Variants in CXCL17 observed in about 807,000 individuals in gnomAD.
CXCL17 encodes the protein C-X-C motif chemokine 17.
CXCL17 carries 9 observed loss-of-function variants against 15.5 expected under a neutral mutation model. The observed-to-expected ratio is 0.58, with a 90% CI of 0.35 to 1.01. CXCL17 has a LOEUF of 1.01. Ranked by LOEUF, CXCL17 falls within the 50% of genes least tolerant of loss-of-function variation. The pLI is 0.02. For missense variants in CXCL17, 133 were observed against 138.2 expected (o/e 0.96, Z 0.19); for synonymous variants, 52 against 52.3 (o/e 0.99, Z 0.02).
chr19:42,442,720 C>T (rs920087534), intron 1 of CXCL17, 34 bp downstream of exon 1: 8 of 1,522,860 alleles, frequency 5.3e-6, no homozygotes, highest in Non-Finnish European at 7.3e-6. Context: ...ACATTTCTCC[C>T]CCCGTTTTCC....
At chr19:42,437,279 C>G (rs537507516) in intron 1 of CXCL17, among the ~76,000 whole-genome samples, 6 of 152,260 alleles carry the variant, frequency 3.9e-5, no homozygotes, top group East Asian at 1.9e-4. Flanking sequence ...TGCAAAACAT[C>G]CTCATCCTAT....
At chr19:42,435,574 T>G (rs1288646767) in intron 1 of CXCL17, among the ~76,000 whole-genome samples, 1 of 152,136 alleles carries the variant, frequency 6.6e-6, no homozygotes, top group Non-Finnish European at 1.5e-5. Flanking sequence ...GGCTCATGCC[T>G]ATAATCTCAG....
chr19:42,438,405 T>TATATATATATATATAA (rs1434854356), intron 1 of CXCL17, among the ~76,000 whole-genome samples: 1 of 66,880 alleles, frequency 1.5e-5, no homozygotes, highest in African/African-American at 6.3e-5. Flanking sequence ...TATATATATA[T>TATATATATATATATAA]AAAATACACA....
At chr19:42,430,530 GT>G (rs1402237923) in intron 3 of CXCL17, among the ~76,000 whole-genome samples, 5 of 150,360 alleles carry the variant, frequency 3.3e-5, no homozygotes, top group African/African-American at 1.2e-4. Context: ...GGAGGCGGAG[GT>G]TGCAGTGAGC....
chr19:42,435,305 A>G (rs879921412), intron 1 of CXCL17, among the ~76,000 whole-genome samples: 6 of 152,174 alleles, frequency 3.9e-5, no homozygotes, highest in African/African-American at 7.2e-5. Flanking sequence ...GTCAACATGA[A>G]TTATACCTTC....
intron 1 of CXCL17, among the ~76,000 whole-genome samples, chr19:42,436,771 A>T (rs2040838410): frequency 6.6e-6 from 1 of 152,140 alleles, no homozygotes; most frequent in Non-Finnish European, 1.5e-5. Context: ...GAATATTTAG[A>T]AAGTTTTATT....
chr19:42,430,420 A>C (rs906808001), intron 3 of CXCL17, among the ~76,000 whole-genome samples: 3 of 151,848 alleles, frequency 2.0e-5, no homozygotes, highest in Admixed American at 2.0e-4. Context: ...ACATGGAGAA[A>C]TCCATCTCTA....
At chr19:42,431,280 C>T (rs998004835) in intron 3 of CXCL17, among the ~76,000 whole-genome samples, 3 of 152,216 alleles carry the variant, frequency 2.0e-5, no homozygotes, top group African/African-American at 7.2e-5. Context: ...ATTTCCTGCC[C>T]TCCTCTCACT....
At chr19:42,437,408 A>G (rs574592405) in intron 1 of CXCL17, among the ~76,000 whole-genome samples, 1 of 152,200 alleles carries the variant, frequency 6.6e-6, no homozygotes, top group Non-Finnish European at 1.5e-5. Context: ...ACCTAAAATC[A>G]GTTTTGGGAA....
Position 42,433,130 on chromosome 19 carries a change from G to A in CXCL17, c.161-53C>T, listed in dbSNP as rs374273438. 3.9e-5 allele frequency: 51 copies of A among 1,318,174 alleles called. No homozygotes were observed. The East Asian group carries it at 1.1e-3, about 28-fold the overall frequency. 81.7% of individuals were successfully genotyped at this position (1,318,174 alleles called of 1,614,324 possible). On this transcript the variant is annotated intron_variant, in intron 2 of 3. Coordinates refer to ENST00000601181, the MANE Select transcript of CXCL17 (RefSeq NM_198477.3). The stretch of plus-strand genomic sequence containing the variant: ...GGGAGAGTTAATACATTTGATAGGA[G>A]GGAGTAGGACAGAGCTTTAATCGCC...
At chr19:42,440,650 G>C (rs1282031642) in intron 1 of CXCL17, among the ~76,000 whole-genome samples, 1 of 152,210 alleles carries the variant, frequency 6.6e-6, no homozygotes, top group African/African-American at 2.4e-5. Flanking sequence ...TGTGTGACAA[G>C]TGGTATTTTC....
intron 1 of CXCL17, among the ~76,000 whole-genome samples, chr19:42,436,344 G>A (rs900329629): frequency 9.2e-5 from 14 of 152,172 alleles, no homozygotes; most frequent in African/African-American, 3.4e-4. Context: ...ATTTAAGCAG[G>A]CATAGGTCCT....
At chr19:42,441,610 T>C in intron 1 of CXCL17, among the ~76,000 whole-genome samples, 1 of 152,094 alleles carries the variant, frequency 6.6e-6, no homozygotes, top group Admixed American at 6.6e-5. Flanking sequence ...CAGAGCACTC[T>C]CTCTACAAAG....
At chr19:42,436,393 C>A (rs1299062131) in intron 1 of CXCL17, among the ~76,000 whole-genome samples, 2 of 152,202 alleles carry the variant, frequency 1.3e-5, no homozygotes, top group Non-Finnish European at 2.9e-5. Context: ...TCTTGCCTGA[C>A]CTCTACTCCT....
intron 1 of CXCL17, among the ~76,000 whole-genome samples, chr19:42,441,187 C>T (rs77830212): frequency 0.01 from 1,565 of 152,180 alleles, 33 homozygotes; most frequent in African/African-American, 0.036. Context: ...CCTAGAAGGA[C>T]AGGGGGTGGG....
rs10418312 is a variant in CXCL17, at chr19:42,432,909, G to C, written c.262+67C>G. ...TTCACCTCTTTTTTCTATTCTCAAC[G>C]TGCTTCTTCCCTAGTGATTTCACGG... On this transcript the variant is annotated intron_variant, in intron 3 of 3. Transcript: ENST00000601181. 5,117 of 1,179,136 alleles carry C rather than the reference G, an allele frequency of 4.3e-3. 136 individuals carry two copies. The African/African-American group carries it at 0.06, about 14-fold the overall frequency. 73.0% of individuals were successfully genotyped at this position (1,179,136 alleles called of 1,614,324 possible). A position where few individuals can be genotyped will look rare whatever the true frequency, so the allele number is the denominator to read the frequency against.
intron 1 of CXCL17, among the ~76,000 whole-genome samples, chr19:42,436,960 C>G (rs940612022): frequency 6.6e-6 from 1 of 151,872 alleles, no homozygotes; most frequent in East Asian, 1.9e-4. Flanking sequence ...TTTTTTGAGA[C>G]GGAGTCTCAC....
chr19:42,430,438 T>C (rs1267849612), intron 3 of CXCL17, among the ~76,000 whole-genome samples: 1 of 151,498 alleles, frequency 6.6e-6, no homozygotes, highest in Non-Finnish European at 1.5e-5. Context: ...CTACTAAAAA[T>C]ACAAAATTAG....
chr19:42,435,122 T>C (rs1263487129), intron 1 of CXCL17, among the ~76,000 whole-genome samples: 1 of 150,612 alleles, frequency 6.6e-6, no homozygotes, highest in African/African-American at 2.4e-5. Flanking sequence ...GAAGTTGCAG[T>C]GAGCTGAGAT....
Sources: allele counts gnomAD v4.1 joint callset (sites outside exome capture counted in the v4.1 genomes callset), GRCh38; gene constraint gnomAD v4.1.1; transcripts MANE v1.5; gene names NCBI Gene and HGNC (gene_info 2026-07-23, HGNC 2026-07-21).